SLC9A5: variants seen among roughly 807,000 people sequenced by gnomAD.
The protein encoded by SLC9A5 is solute carrier family 9 member A5, also known as sodium/hydrogen exchanger 5.
Under a neutral mutation model 91.7 loss-of-function variants are expected in SLC9A5, and 52 were observed. The ratio of observed to expected loss-of-function variants is 0.57; its 90% CI spans 0.45 to 0.71. SLC9A5 has a LOEUF of 0.71. SLC9A5 is among the 30% of genes least tolerant of loss of function. The probability of loss-of-function intolerance (pLI) is 0.00; values close to 1 mark genes in which losing one functional copy is unlikely to be tolerated. For missense variants in SLC9A5, 871 were observed against 1,158.9 expected, an observed-to-expected ratio of 0.75 and a Z score of 3.61; for synonymous variants, 419 against 474.5, an observed-to-expected ratio of 0.88 and a Z score of 1.52.
At position 67,257,243 on chromosome 16, in the gene SLC9A5, A is replaced by G; in HGVS notation, c.1336-102A>G. 2 of 1,356,368 alleles carry G rather than the reference A, an allele frequency of 1.5e-6. No individual in the cohort carries two copies. The highest frequency in any genetic ancestry group is 2.3e-5 in the East Asian group (1 of 43,536). 84.0% of individuals were successfully genotyped at this position (1,356,368 alleles called of 1,614,324 possible). ...CCCTGACTTCCCAGACCTTGAGTGC[A>G]GTGGGGTAGGGGTACTGAAGCTGAA... is the stretch of plus-strand genomic sequence containing the variant. On this transcript the variant is annotated intron_variant, in intron 7 of 15. Transcript: ENST00000299798. This position sits in a 1 kb window ranked among gnomAD's most constrained non-coding sequence, Gnocchi z 5.1.
chr16:67,255,715 G>T lies in SLC9A5; in HGVS notation c.734-38G>T. On this transcript the variant is annotated intron_variant, in intron 4 of 15. Transcript: ENST00000299798. This position sits in a 1 kb window ranked among gnomAD's most constrained non-coding sequence, Gnocchi z 4.9. ...AGTCTTGTCAGCCCGGGTAGGGTCC[G>T]GGCCAGGGGTCATGCTGACAACCCA... is the stretch of plus-strand genomic sequence containing the variant. The T allele has an allele frequency of 6.6e-7, 1 of 1,524,730 alleles. No homozygotes were observed. The allele number at this position is 1,524,730 out of a possible 1,614,324, so 94.5% of individuals were successfully genotyped here. A position where few individuals can be genotyped will look rare whatever the true frequency, so the allele number is the denominator to read the frequency against.
chr16:67,268,663 TATA>T (rs2035804696), intron 15 of SLC9A5, among the ~76,000 whole-genome samples: 2 of 21,282 alleles, frequency 9.4e-5, no homozygotes, highest in Non-Finnish European at 1.6e-4. Context: ...CCTGATTATA[TATA>T]TATATATATA....
intron 13 of SLC9A5, among the ~76,000 whole-genome samples, 193 bp downstream of exon 13, chr16:67,264,715 G>T (rs181106632): frequency 3.9e-5 from 6 of 152,192 alleles, no homozygotes; most frequent in African/African-American, 1.4e-4. Flanking sequence ...GACCTTCAGA[G>T]GGGGAGCAGC....
rs1567421627 is a variant in SLC9A5, at chr16:67,268,695, TA to T, written c.2219-2042del. ...ATATATATATATATATATATATATA[TA>T]TATATATATATATATTTTTACAGTA... is the stretch of plus-strand genomic sequence containing the variant. On this transcript the variant is annotated intron_variant, in intron 15 of 15. Transcript: ENST00000299798. 3.6e-3 allele frequency among the ~76,000 whole-genome samples: 330 copies of T among 91,614 alleles called. 11 individuals are homozygous for T. Among genetic ancestry groups the T allele is most frequent in the African/African-American group, 0.012 (301 of 24,816 alleles). 60.1% of individuals were successfully genotyped at this position (91,614 alleles called of 152,430 possible).
At chr16:67,254,475 C>A (rs537294251) in intron 2 of SLC9A5, among the ~76,000 whole-genome samples, 2 of 152,216 alleles carry the variant, frequency 1.3e-5, no homozygotes, top group Admixed American at 1.3e-4. Context: ...CGGCTCACTG[C>A]GGCCTCCGCC....
chr16:67,264,850 G>A (rs1331622492), intron 13 of SLC9A5, among the ~76,000 whole-genome samples, 190 bp from the exon 14 acceptor site: 2 of 152,194 alleles, frequency 1.3e-5, no homozygotes, highest in Admixed American at 1.3e-4. Context: ...CCACGCTGAT[G>A]CATCCAGATT....
chr16:67,254,694 G>A (rs1171025148), intron 2 of SLC9A5, among the ~76,000 whole-genome samples: 4 of 152,190 alleles, frequency 2.6e-5, no homozygotes, highest in East Asian at 1.9e-4. Flanking sequence ...CACTGTACCT[G>A]GGCTTTTTCC....
At chr16:67,266,252 C>A in intron 15 of SLC9A5, 27 bp downstream of exon 15, 4 of 1,560,706 alleles carry the variant, frequency 2.6e-6, no homozygotes, top group Non-Finnish European at 3.5e-6. Flanking sequence ...TGCCCACCTC[C>A]CCTCTGGAGC....
At chr16:67,249,612 C>T (rs949599429) in intron 1 of SLC9A5, among the ~76,000 whole-genome samples, 3 of 152,150 alleles carry the variant, frequency 2.0e-5, no homozygotes, top group African/African-American at 4.8e-5. Flanking sequence ...AGAACACAGG[C>T]ATCCTGGTTC....
chr16:67,256,916 G>C lies in SLC9A5; in HGVS notation c.1138G>C (p.Val380Leu). The change falls in exon 7 of 16, where the codon GTC becomes CTC. Residue 380 changes from valine to leucine, a missense_variant. Val to Leu is a conservative substitution (Grantham distance 32). Coordinates refer to ENST00000299798, the MANE Select transcript of SLC9A5 (RefSeq NM_004594.3). The surrounding 1 kb of genome is among the most constrained non-coding windows in gnomAD (Gnocchi z 4.1). ...TGGCCTCCCTCCCGCTGTAGGCGTA[G>C]TCCTGCAGACCTGGGTGCTGAATCA... ...FILFFRALGVVLQTWVLNQFR... is the reference protein window; with the variant it reads ...FILFFRALGVLLQTWVLNQFR... 6.2e-7 allele frequency: 1 copy of C among 1,613,772 alleles called. No individual in the cohort carries two copies. The highest frequency in any genetic ancestry group is 1.3e-5 in the African/African-American group (1 of 75,062).
At chr16:67,264,025 A>C (rs1273611408) in intron 12 of SLC9A5, among the ~76,000 whole-genome samples, 2 of 152,140 alleles carry the variant, frequency 1.3e-5, no homozygotes, top group Non-Finnish European at 2.9e-5. Context: ...TACAAAGAAA[A>C]TGTCCCCCAT....
In SLC9A5 at chr16:67,258,832, G is replaced by C. The variant is rs1429888755; in HGVS notation, c.1626+385G>C. 6.6e-6 allele frequency among the ~76,000 whole-genome samples: 1 copy of C among 151,202 alleles called. No homozygotes were observed. Among genetic ancestry groups the C allele is most frequent in the African/African-American group, 2.4e-5 (1 of 41,092 alleles). On this transcript the variant is annotated intron_variant, in intron 10 of 15. Coordinates refer to ENST00000299798, the MANE Select transcript of SLC9A5 (RefSeq NM_004594.3). This position sits in a 1 kb window ranked among gnomAD's most constrained non-coding sequence, Gnocchi z 4.5. Reference sequence around the variant, plus strand: ...AGCCTGAGGTGGGTAGATCACTTGAGGTGAGGAGTTTGAGACCAGCCTGGC... The same window carrying C: ...AGCCTGAGGTGGGTAGATCACTTGACGTGAGGAGTTTGAGACCAGCCTGGC...
chr16:67,270,695 C>T lies in SLC9A5; in HGVS notation c.2219-43C>T, dbSNP rs769818688. 2.3e-6 allele frequency: 3 copies of T among 1,316,732 alleles called. No homozygotes were observed. The South Asian group carries it at 4.3e-5, about 19-fold the overall frequency. 81.6% of individuals were successfully genotyped at this position (1,316,732 alleles called of 1,614,324 possible). On this transcript the variant is annotated intron_variant, in intron 15 of 15. Coordinates refer to ENST00000299798, the MANE Select transcript of SLC9A5 (RefSeq NM_004594.3). The surrounding 1 kb of genome is among the most constrained non-coding windows in gnomAD (Gnocchi z 4.3). ...AAGAATGTGCTTATACTTGAGATTT[C>T]CACTGTATTGGTAATGAGTTCATGT...
Position 67,258,431 on chromosome 16 carries a change from T to C in SLC9A5, c.1610T>C (p.Ile537Thr). 6.2e-7 allele frequency: 1 copy of C among 1,614,174 alleles called. No individual in the cohort carries two copies. Among genetic ancestry groups the C allele is most frequent in the Non-Finnish European group, 8.5e-7 (1 of 1,180,028 alleles). The change falls in exon 10 of 16, where the codon ATC becomes ACC. Residue 537 changes from isoleucine to threonine, a missense_variant. Physicochemically the swap from Ile to Thr is moderately conservative, Grantham distance 89. Transcript: ENST00000299798. The surrounding 1 kb of genome is among the most constrained non-coding windows in gnomAD (Gnocchi z 4.5). Reference sequence around the variant, plus strand: ...TACAGGCTTAACATCCGGGATGCCATCAGCTTTGTGGACCAGGTGGGCCAG... The same window carrying C: ...TACAGGCTTAACATCCGGGATGCCACCAGCTTTGTGGACCAGGTGGGCCAG... ...VYYRLNIRDA[I>T]SFVDQGGHVL...
intron 15 of SLC9A5, among the ~76,000 whole-genome samples, chr16:67,267,787 T>G (rs1432948918): frequency 6.6e-6 from 1 of 152,204 alleles, no homozygotes; most frequent in Admixed American, 6.5e-5. Context: ...TCAAGTGTCT[T>G]TAAACATTTT....
Position 67,249,020 on chromosome 16 carries a change from G to T in SLC9A5, c.6G>T (p.Leu2=). The T allele has an allele frequency of 7.2e-7, 1 of 1,393,314 alleles. No homozygotes were observed. The highest frequency in any genetic ancestry group is 9.3e-7 in the Non-Finnish European group (1 of 1,071,958). The allele number at this position is 1,393,314 out of a possible 1,614,324, so 86.3% of individuals were successfully genotyped here. Residue 2 remains leucine, a synonymous_variant, in exon 1 of 16, where the codon CTG becomes CTT. Coordinates refer to ENST00000299798, the MANE Select transcript of SLC9A5 (RefSeq NM_004594.3). M[L]RAALSLLALP... ...GCGGCTGGGCAGGCGGCAGGATGCT[G>T]CGCGCCGCCCTGTCCCTGCTCGCGC...
rs146880294 is a variant in SLC9A5 at position 67,268,268 on chromosome 16, C to A, written c.2218+2043C>A. Among the ~76,000 whole-genome samples, 275 of 149,916 alleles carry A rather than the reference C, an allele frequency of 1.8e-3. 5 individuals carry two copies. Among genetic ancestry groups the A allele is most frequent in the Admixed American group, 0.015 (217 of 14,956 alleles). ...CTGAGCTCAAGTGATCTTTACTTCT[C>A]AGCCTCCTAAAGTGATGAGATGAAA... On this transcript the variant is annotated intron_variant, in intron 15 of 15. Transcript: ENST00000299798.
Position 67,256,340 on chromosome 16 carries a change from C to T in SLC9A5, c.912-129C>T. 1 of 681,642 alleles carries T rather than the reference C, an allele frequency of 1.5e-6. No individual in the cohort carries two copies. Among genetic ancestry groups the T allele is most frequent in the Non-Finnish European group, 2.6e-6 (1 of 388,368 alleles). The allele number at this position is 681,642 out of a possible 1,614,324, so 42.2% of individuals were successfully genotyped here. On this transcript the variant is annotated intron_variant, in intron 5 of 15. Coordinates refer to ENST00000299798, the MANE Select transcript of SLC9A5 (RefSeq NM_004594.3). The surrounding 1 kb of genome is among the most constrained non-coding windows in gnomAD (Gnocchi z 4.1). ...CTACCATTCAAGTCTTCAGGCCTCC[C>T]TGGGCTTCAGCTCTGAGAGTCTGAC...
Position 67,257,519 on chromosome 16 carries a change from C to A in SLC9A5, c.1426-12C>A. ...AGTCCTGATCCAGTCCCCCTACCCACCCCCCTTCTAGACTTTTGACCACAT... is the reference window on the plus strand; with the variant it reads ...AGTCCTGATCCAGTCCCCCTACCCAACCCCCTTCTAGACTTTTGACCACAT... On this transcript the variant is annotated splice_polypyrimidine_tract_variant and intron_variant, in intron 8 of 15. Transcript: ENST00000299798. This position sits in a 1 kb window ranked among gnomAD's most constrained non-coding sequence, Gnocchi z 5.1. The A allele has an allele frequency of 1.9e-6, 3 of 1,613,904 alleles. No homozygotes were observed. Among genetic ancestry groups the A allele is most frequent in the South Asian group, 1.1e-5 (1 of 91,080 alleles).
Sources: gnomAD v4.1 joint callset for allele counts (sites outside exome capture counted in the v4.1 genomes callset) on GRCh38, gnomAD v4.1.1 for gene constraint, Gnocchi (gnomAD v3.1) non-coding constraint, MANE v1.5 for transcripts, NCBI Gene and HGNC (gene_info 2026-07-23, HGNC 2026-07-21) for gene names.